SAMD5: variants seen among roughly 807,000 people sequenced by gnomAD.
SAMD5 encodes the protein sterile alpha motif domain-containing protein 5.
A neutral mutation model predicts 11.3 loss-of-function variants in SAMD5; 13 were observed. The observed-to-expected ratio is 1.15, with a 90% confidence interval of 0.75 to 1.83. The LOEUF is 1.83. Ranked by LOEUF, SAMD5 falls within the 40% of genes most tolerant of loss-of-function variation. The probability of loss-of-function intolerance (pLI) is 0.00; values close to 1 mark genes in which losing one functional copy is unlikely to be tolerated. For synonymous variants in SAMD5, 129 were observed against 111.3 expected (o/e 1.16, Z -1.00); for missense variants, 255 against 239.1 (o/e 1.07, Z -0.44).
the SAMD5 span, among the ~76,000 whole-genome samples, chr6:147,747,999 T>A: frequency 6.6e-6 from 1 of 152,212 alleles, no homozygotes; most frequent in Non-Finnish European, 1.5e-5. Context: ...CCTTCTGACT[T>A]AGTCACAGTA....
the SAMD5 span, among the ~76,000 whole-genome samples, chr6:147,780,241 C>T: frequency 6.6e-6 from 1 of 151,626 alleles, no homozygotes; most frequent in Non-Finnish European, 1.5e-5. Flanking sequence ...CGCTCTGTCA[C>T]CTGTCCCCCA....
chr6:147,808,367 T>C, the SAMD5 span, among the ~76,000 whole-genome samples: 1,845 of 152,264 alleles, frequency 0.012, 17 homozygotes, highest in Non-Finnish European at 0.019. Context: ...CCTAGCTAAT[T>C]TTTTAAAGTT....
At chr6:147,689,969 C>T (rs1270569895) in intron 1 of SAMD5, among the ~76,000 whole-genome samples, 4 of 152,196 alleles carry the variant, frequency 2.6e-5, no homozygotes, top group African/African-American at 4.8e-5. Flanking sequence ...GTTTCCTTGA[C>T]GGTTAATAGT....
intron 1 of SAMD5, among the ~76,000 whole-genome samples, chr6:147,668,218 A>G (rs750556416): frequency 1.1e-4 from 16 of 152,190 alleles, no homozygotes; most frequent in Non-Finnish European, 2.1e-4. Context: ...GTGCATCTAT[A>G]TACATACGCA....
At chr6:147,660,757 T>A (rs181204297) in intron 1 of SAMD5, 1 of 152,392 alleles carries the variant, frequency 6.6e-6, no homozygotes, top group African/African-American at 2.4e-5. Flanking sequence ...CCCTTCGCGT[T>A]CTACCTCGAT....
intron 1 of SAMD5, among the ~76,000 whole-genome samples, chr6:147,665,808 T>A (rs1190454207): frequency 6.6e-6 from 1 of 152,260 alleles, no homozygotes; most frequent in Non-Finnish European, 1.5e-5. Context: ...TCTGTGAAAG[T>A]CTTAGAAATT....
intron 1 of SAMD5, among the ~76,000 whole-genome samples, chr6:147,634,255 T>C (rs11155513): frequency 0.53 from 80,965 of 151,982 alleles, 23,148 homozygotes; most frequent in South Asian, 0.72. Context: ...GGGGAGGCCT[T>C]AGGAAACTTA....
chr6:147,553,428 TCTC>T (rs999981859), intron 1 of SAMD5, among the ~76,000 whole-genome samples: 25 of 152,298 alleles, frequency 1.6e-4, no homozygotes, highest in Admixed American at 1.4e-3. Flanking sequence ...CCTCATGTGT[TCTC>T]CACTCCCTAA....
At chr6:147,804,361 C>G in the SAMD5 span, among the ~76,000 whole-genome samples, 28 of 152,218 alleles carry the variant, frequency 1.8e-4, no homozygotes, top group African/African-American at 5.8e-4. Flanking sequence ...CCACCTGCCT[C>G]AGCCTCCCAA....
the SAMD5 span, among the ~76,000 whole-genome samples, chr6:147,827,064 T>A: frequency 6.6e-6 from 1 of 152,132 alleles, no homozygotes; most frequent in Non-Finnish European, 1.5e-5. Flanking sequence ...TCTTCCTTGA[T>A]CAGGGAAAGG....
the SAMD5 span, among the ~76,000 whole-genome samples, chr6:147,797,260 G>C: frequency 1.4e-5 from 2 of 145,512 alleles, no homozygotes; most frequent in African/African-American, 2.7e-5. Flanking sequence ...CTAATTTATT[G>C]AGACTTTTTA....
the SAMD5 span, among the ~76,000 whole-genome samples, chr6:147,779,470 A>G: frequency 6.6e-6 from 1 of 151,712 alleles, no homozygotes; most frequent in Admixed American, 6.6e-5. Context: ...GAGCAGCTCT[A>G]CATTCTTCTC....
At chr6:147,798,404 C>G in the SAMD5 span, among the ~76,000 whole-genome samples, 1 of 150,110 alleles carries the variant, frequency 6.7e-6, no homozygotes, top group East Asian at 1.9e-4. Flanking sequence ...ATCCTGAGTT[C>G]TAGTTTGATC....
At chr6:147,609,687 G>C (rs902813694) in intron 1 of SAMD5, among the ~76,000 whole-genome samples, 12 of 152,084 alleles carry the variant, frequency 7.9e-5, no homozygotes, top group African/African-American at 2.4e-4. Flanking sequence ...CTCCTGAGTA[G>C]CTGGGATTAC....
rs141212437 is a variant in SAMD5 at position 147,701,495 on chromosome 6, G to A, written c.163-35822G>A. Among the ~76,000 whole-genome samples, 20 of 151,996 alleles carry A rather than the reference G, an allele frequency of 1.3e-4. No individual in the cohort carries two copies. The Middle Eastern group carries it at 0.014, about 103-fold the overall frequency. The stretch of plus-strand genomic sequence containing the variant: ...CTAAAAATACAAAAATTAGCCAGGC[G>A]TGGTGACACGCGCCTGTAATCCCTG... On this transcript the variant is annotated intron_variant, in intron 1 of 1. Coordinates refer to the SAMD5 transcript ENST00000566741.
At chr6:147,643,846 T>C (rs1039479355) in intron 1 of SAMD5, among the ~76,000 whole-genome samples, 2 of 151,508 alleles carry the variant, frequency 1.3e-5, no homozygotes, top group Non-Finnish European at 2.9e-5. Context: ...AAGAAGAGTC[T>C]TTACTAAAAA....
chr6:147,526,916 T>C (rs1425918564), intron 1 of SAMD5, among the ~76,000 whole-genome samples: 1 of 152,170 alleles, frequency 6.6e-6, no homozygotes, highest in East Asian at 1.9e-4. Context: ...GTCAGATATA[T>C]TTGACCTGGA....
the SAMD5 span, among the ~76,000 whole-genome samples, chr6:147,775,886 C>G: frequency 2.5e-4 from 38 of 152,046 alleles, no homozygotes; most frequent in Non-Finnish European, 4.1e-4. Context: ...AAAGGGATGG[C>G]GATAATGATA....
Position 147,558,083 on chromosome 6 carries a change from T to C in SAMD5, c.460-6311T>C, listed in dbSNP as rs1455242193. On this transcript the variant is annotated intron_variant, in intron 1 of 1. Transcript: ENST00000367474. ...TGGAGCAGGCAGGTAATAATAATCA[T>C]AGTATGTTCTATAAGCATACCGTCA... Among the ~76,000 whole-genome samples, 2 of 152,184 alleles carry C rather than the reference T, an allele frequency of 1.3e-5. 1 individual carries two copies. Among genetic ancestry groups the C allele is most frequent in the Non-Finnish European group, 2.9e-5 (2 of 68,030 alleles).
Sources: gnomAD v4.1 joint callset for allele counts (sites outside exome capture counted in the v4.1 genomes callset) on GRCh38, gnomAD v4.1.1 for gene constraint, MANE v1.5 for transcripts, NCBI Gene and HGNC (gene_info 2026-07-23, HGNC 2026-07-21) for gene names.